Variants in IL1RAPL2 observed in about 807,000 individuals in gnomAD.
IL1RAPL2 encodes the protein X-linked interleukin-1 receptor accessory protein-like 2.
A neutral mutation model predicts 44.1 loss-of-function variants in IL1RAPL2; 3 were observed. That is an observed-to-expected ratio of 0.07 (90% CI 0.03 to 0.18). The LOEUF is 0.18. IL1RAPL2 is among the 10% of genes least tolerant of loss of function. IL1RAPL2 has a pLI of 1.00. For synonymous variants in IL1RAPL2, 181 were observed against 178.8 expected, an observed-to-expected ratio of 1.01 and a Z score of -0.10; for missense variants, 391 against 496.4, an observed-to-expected ratio of 0.79 and a Z score of 2.02.
At chrX:105,424,739 A>T (rs140223579) in intron 5 of IL1RAPL2, among the ~76,000 whole-genome samples, 3,218 of 109,542 alleles carry the variant, frequency 0.029, 133 homozygotes, top group African/African-American at 0.1. Flanking sequence ...GACAAGAGTG[A>T]AACTATGTCT....
rs758206667 is a variant in IL1RAPL2 at position 105,737,672 on chromosome X, G to A, written c.903-2874G>A. 2.7e-5 allele frequency among the ~76,000 whole-genome samples: 3 copies of A among 111,479 alleles called. No homozygotes were observed. In the East Asian group the frequency reaches 8.6e-4, roughly 32 times the overall value. On this transcript the variant is annotated intron_variant, in intron 7 of 10. Transcript: ENST00000372582. ...CAGAGGCTATGGCTGCCCTCCATGTGAAGCTTCAAATTAAAATGAAGTTGT... is the reference window on the plus strand; with the variant it reads ...CAGAGGCTATGGCTGCCCTCCATGTAAAGCTTCAAATTAAAATGAAGTTGT...
At chrX:105,193,380 C>T (rs2033648718) in intron 2 of IL1RAPL2, among the ~76,000 whole-genome samples, 1 of 111,009 alleles carries the variant, frequency 9.0e-6, no homozygotes, top group Non-Finnish European at 1.9e-5. Context: ...TTCTATTAAC[C>T]AACTTTTGAA....
At chrX:105,011,820 T>A (rs1026354238) in intron 2 of IL1RAPL2, among the ~76,000 whole-genome samples, 2 of 110,588 alleles carry the variant, frequency 1.8e-5, no homozygotes, top group African/African-American at 3.3e-5. Flanking sequence ...TGGGTATATA[T>A]CTAGGAGTGG....
chrX:105,549,378 T>C (rs1259241663), intron 6 of IL1RAPL2, among the ~76,000 whole-genome samples: 1 of 111,877 alleles, frequency 8.9e-6, no homozygotes, highest in Non-Finnish European at 1.9e-5. Context: ...ATCTAATTTT[T>C]CCCCCTCATT....
intron 1 of IL1RAPL2, 63 bp from the exon 2 acceptor site, chrX:104,658,832 T>C (rs1336429156): frequency 1.2e-5 from 8 of 668,783 alleles, no homozygotes; most frequent in Non-Finnish European, 1.9e-5. Context: ...AAATTATAGG[T>C]GTGGTTTTGT....
chrX:105,560,279 T>C (rs2036925779), intron 6 of IL1RAPL2, among the ~76,000 whole-genome samples: 1 of 111,922 alleles, frequency 8.9e-6, no homozygotes, highest in African/African-American at 3.3e-5. Flanking sequence ...ATATATTCTA[T>C]GGCAAGATTT....
At chrX:105,520,403 C>T (rs186962764) in intron 6 of IL1RAPL2, among the ~76,000 whole-genome samples, 12 of 111,742 alleles carry the variant, frequency 1.1e-4, no homozygotes, top group Admixed American at 4.8e-4. Flanking sequence ...ATTTTAATTA[C>T]GACTTATCAT....
intron 2 of IL1RAPL2, among the ~76,000 whole-genome samples, chrX:104,706,234 A>G (rs1337820097): frequency 9.0e-6 from 1 of 111,223 alleles, no homozygotes; most frequent in Non-Finnish European, 1.9e-5. Context: ...TAGAGGGTAA[A>G]ATGTTCCTAC....
At chrX:105,673,627 A>G (rs1294489626) in intron 6 of IL1RAPL2, among the ~76,000 whole-genome samples, 1 of 112,121 alleles carries the variant, frequency 8.9e-6, no homozygotes, top group Non-Finnish European at 1.9e-5. Context: ...TGCAATGAAC[A>G]TACACATGCA....
intron 2 of IL1RAPL2, among the ~76,000 whole-genome samples, chrX:104,825,004 C>G: frequency 8.9e-6 from 1 of 111,762 alleles, no homozygotes; most frequent in East Asian, 2.8e-4. Context: ...GAAAACAAAT[C>G]TCATAGGGAA....
At chrX:105,215,224 TGAA>T (rs781840163) in intron 3 of IL1RAPL2, among the ~76,000 whole-genome samples, 301 of 111,739 alleles carry the variant, frequency 2.7e-3, no homozygotes, top group African/African-American at 9.1e-3. Flanking sequence ...GCTGGACTAA[TGAA>T]GAAGAAAAGA....
At chrX:104,959,122 CT>C (rs567849176) in intron 2 of IL1RAPL2, among the ~76,000 whole-genome samples, 5 of 107,436 alleles carry the variant, frequency 4.7e-5, no homozygotes, top group Admixed American at 2.0e-4. Flanking sequence ...GAAGAATCAT[CT>C]TTTTTTTTTC....
intron 5 of IL1RAPL2, among the ~76,000 whole-genome samples, chrX:105,450,461 A>G (rs1437383725): frequency 4.5e-5 from 5 of 111,716 alleles, no homozygotes; most frequent in African/African-American, 1.6e-4. Context: ...TTGCTCTGCC[A>G]TCCTTGATTG....
At chrX:105,193,651 T>A (rs113585220) in intron 2 of IL1RAPL2, among the ~76,000 whole-genome samples, 1,431 of 111,614 alleles carry the variant, frequency 0.013, 27 homozygotes, top group African/African-American at 0.045. Context: ...AAATGACAAG[T>A]AAATGATCCA....
chrX:104,954,111 T>TA (rs1925653142), intron 2 of IL1RAPL2, among the ~76,000 whole-genome samples: 1 of 112,032 alleles, frequency 8.9e-6, no homozygotes, highest in African/African-American at 3.2e-5. Flanking sequence ...CCAGCTATTT[T>TA]AAAAAATGTC....
chrX:105,307,733 A>G (rs2034762664), intron 5 of IL1RAPL2, among the ~76,000 whole-genome samples: 1 of 92,274 alleles, frequency 1.1e-5, no homozygotes, highest in African/African-American at 4.1e-5. Context: ...AGTATCCACC[A>G]GTGTACTGTA....
At chrX:105,549,996 G>A (rs1200372667) in intron 6 of IL1RAPL2, among the ~76,000 whole-genome samples, 1 of 112,243 alleles carries the variant, frequency 8.9e-6, no homozygotes, top group Non-Finnish European at 1.9e-5. Flanking sequence ...CAAAGTTTGT[G>A]AAACTTGCCA....
chrX:105,475,233 G>T (rs2036189954), intron 5 of IL1RAPL2, among the ~76,000 whole-genome samples: 1 of 111,359 alleles, frequency 9.0e-6, no homozygotes, highest in Non-Finnish European at 1.9e-5. Flanking sequence ...TTAATTTGCA[G>T]TATGATATTG....
intron 6 of IL1RAPL2, among the ~76,000 whole-genome samples, chrX:105,646,960 T>C (rs1468088569): frequency 4.4e-5 from 5 of 112,657 alleles, no homozygotes; most frequent in Non-Finnish European, 9.4e-5. Context: ...GGCAAGCCTT[T>C]TGTTCTCTGA....
Sources: gnomAD v4.1 joint callset for allele counts (sites outside exome capture counted in the v4.1 genomes callset) on GRCh38, gnomAD v4.1.1 for gene constraint, MANE v1.5 for transcripts, NCBI Gene and HGNC (gene_info 2026-07-23, HGNC 2026-07-21) for gene names.